Variants in SMAP2 observed in about 807,000 individuals in gnomAD.
SMAP2 encodes small ArfGAP2.
SMAP2 carries 25 observed loss-of-function variants against 56.4 expected under a neutral mutation model. The observed-to-expected ratio is 0.44, with a 90% CI of 0.32 to 0.62. The LOEUF (loss-of-function observed/expected upper bound fraction) is 0.62, where lower values mean the gene tolerates loss of function less well. Ranked by LOEUF, SMAP2 falls within the 20% of genes least tolerant of loss-of-function variation. The pLI is 0.04. For missense variants in SMAP2, 388 were observed against 545.6 expected (o/e 0.71, Z 2.88); for synonymous variants, 157 against 181.7 (o/e 0.86, Z 1.09).
intron 2 of SMAP2, 55 bp downstream of exon 2, chr1:40,406,924 C>G: frequency 6.6e-7 from 1 of 1,504,700 alleles, no homozygotes; most frequent in Non-Finnish European, 9.0e-7. Flanking sequence ...AAAAGGAATT[C>G]CAGATGAATT....
chr1:40,387,564 G>A (rs1199842419), intron 1 of SMAP2, among the ~76,000 whole-genome samples: 1 of 152,076 alleles, frequency 6.6e-6, no homozygotes, highest in African/African-American at 2.4e-5. Context: ...AAGGAATGGG[G>A]AATTCGGGAG....
upstream of SMAP2, among the ~76,000 whole-genome samples, chr1:40,370,991 G>A (rs1290745813): frequency 6.6e-6 from 1 of 152,054 alleles, no homozygotes; most frequent in Non-Finnish European, 1.5e-5. Context: ...TGGCTAACAG[G>A]GTGAAACCCT....
Position 40,406,824 on chromosome 1 carries a change from G to A in SMAP2, c.192G>A (p.Arg64=), listed in dbSNP as rs891514134. Residue 64 remains arginine (R), a synonymous_variant, in exon 2 of 10, where the codon AGG becomes AGA. Coordinates refer to ENST00000372718, the MANE Select transcript of SMAP2 (RefSeq NM_022733.3). ...IHRNLGVHIS[R]VKSVNLDQWT... ...GGAATCTGGGGGTGCACATATCCAG[G>A]GTAAAGTCAGTTAACCTCGACCAGT... 5 of 1,613,950 alleles carry A rather than the reference G, an allele frequency of 3.1e-6. No homozygotes were observed. Among genetic ancestry groups the A allele is most frequent in the Admixed American group, 3.3e-5 (2 of 60,004 alleles).
chr1:40,408,656 A>G lies in SMAP2; in HGVS notation c.241A>G (p.Met81Val), dbSNP rs1323750988. ...TCTACATTCTCTTTGGTCACAGTGCATGCAAGAGATGGGAAATGGAAAGGC... is the reference window on the plus strand; with the variant it reads ...TCTACATTCTCTTTGGTCACAGTGCGTGCAAGAGATGGGAAATGGAAAGGC... The part of the protein sequence containing the change: ...DQWTQEQIQC[M>V]QEMGNGKANR... The change falls in exon 3 of 10, where the codon ATG (methionine) becomes GTG (valine). Residue 81 changes from methionine (M) to valine (V), a missense_variant. Physicochemically the swap from Met to Val is conservative, Grantham distance 21 (BLOSUM62 1). Transcript: ENST00000372718. The surrounding 1 kb of genome is among the most constrained non-coding windows in gnomAD (Gnocchi z 4.3). 6.2e-7 allele frequency: 1 copy of G among 1,613,654 alleles called. No individual in the cohort carries two copies. The highest frequency in any genetic ancestry group is 8.5e-7 in the Non-Finnish European group (1 of 1,179,574).
At chr1:40,400,406 T>C (rs568284616) in intron 1 of SMAP2, among the ~76,000 whole-genome samples, 13 of 152,322 alleles carry the variant, frequency 8.5e-5, no homozygotes, top group Non-Finnish European at 1.3e-4. Context: ...AGAATGGTTT[T>C]GGTTTGGGCT....
At chr1:40,376,197 C>T (rs1044408651) in intron 1 of SMAP2, among the ~76,000 whole-genome samples, 4 of 152,142 alleles carry the variant, frequency 2.6e-5, no homozygotes, top group East Asian at 1.9e-4. Context: ...GTGATCCACC[C>T]GCCTCAGCCT....
intron 1 of SMAP2, among the ~76,000 whole-genome samples, chr1:40,398,333 A>G (rs1389462154): frequency 3.9e-5 from 1 of 25,610 alleles, no homozygotes; most frequent in Non-Finnish European, 6.3e-5. Context: ...GGGCTCAAGC[A>G]GTACTCCCGC....
At chr1:40,419,280 CTTTTTT>C (rs35237067) in intron 9 of SMAP2, among the ~76,000 whole-genome samples, 7 of 121,874 alleles carry the variant, frequency 5.7e-5, no homozygotes, top group African/African-American at 1.2e-4. Flanking sequence ...TTCTTCCTTT[CTTTTTT>C]TTTTTTTTTT....
intron 3 of SMAP2, 36 bp from the exon 4 acceptor site, chr1:40,409,721 G>C (rs1424869879): frequency 7.3e-7 from 1 of 1,366,176 alleles, no homozygotes; most frequent in Non-Finnish European, 1.0e-6. Context: ...CTGTTTGAGA[G>C]GCTTGTTGGA....
At chr1:40,371,838 T>C (rs1644497778), upstream of SMAP2, among the ~76,000 whole-genome samples, 1 of 152,238 alleles carries the variant, frequency 6.6e-6, no homozygotes, top group Non-Finnish European at 1.5e-5. Context: ...CTAAGCCTCA[T>C]AATAATCTTG....
intron 8 of SMAP2, 138 bp from the exon 9 acceptor site, chr1:40,416,642 A>G: frequency 1.1e-6 from 1 of 941,480 alleles, no homozygotes; most frequent in Admixed American, 2.9e-5. Context: ...AGGGACTCTA[A>G]CTACTTTGCT....
At chr1:40,382,386 A>G (rs1644607283) in intron 1 of SMAP2, among the ~76,000 whole-genome samples, 1 of 152,230 alleles carries the variant, frequency 6.6e-6, no homozygotes, top group Non-Finnish European at 1.5e-5. Flanking sequence ...AAATTGAGTC[A>G]GACTCAGTTC....
At chr1:40,392,063 C>T (rs1644722410) in intron 1 of SMAP2, among the ~76,000 whole-genome samples, 1 of 151,938 alleles carries the variant, frequency 6.6e-6, no homozygotes, top group South Asian at 2.1e-4. Flanking sequence ...TCCCTGCACA[C>T]CAACTCCACC....
chr1:40,420,580 G>A (rs1028618785), intron 9 of SMAP2, among the ~76,000 whole-genome samples: 41 of 152,184 alleles, frequency 2.7e-4, no homozygotes, highest in African/African-American at 9.2e-4. Context: ...ATGCCCTTCA[G>A]ATTATTTATT....
intron 7 of SMAP2, among the ~76,000 whole-genome samples, chr1:40,415,781 CA>C (rs1471602306): frequency 2.6e-5 from 4 of 152,284 alleles, no homozygotes; most frequent in Admixed American, 1.3e-4. Context: ...TTGTATATTT[CA>C]TTAATAATTT....
chr1:40,413,150 A>G, intron 5 of SMAP2, 48 bp downstream of exon 5: 3 of 1,443,734 alleles, frequency 2.1e-6, no homozygotes, highest in Non-Finnish European at 1.9e-6. Context: ...AGGTATGTGT[A>G]TATTTGTGAA....
chr1:40,410,972 G>A (rs1248484285), intron 4 of SMAP2, among the ~76,000 whole-genome samples: 2 of 152,154 alleles, frequency 1.3e-5, no homozygotes, highest in Non-Finnish European at 1.5e-5. Flanking sequence ...TTCTAGTTAT[G>A]TAATAATGAT....
At chr1:40,355,289 A>G (rs1644430460) in intron 1 of SMAP2, among the ~76,000 whole-genome samples, 1 of 152,168 alleles carries the variant, frequency 6.6e-6, no homozygotes, top group Admixed American at 6.5e-5. Context: ...TTCAAGGATA[A>G]TGATGAGTAT....
chr1:40,345,966 CTTTTTTTTTTTTT>C (rs71060369), intron 1 of SMAP2, among the ~76,000 whole-genome samples: 4 of 35,342 alleles, frequency 1.1e-4, no homozygotes, highest in African/African-American at 2.2e-4. Flanking sequence ...ATTTCTATCA[CTTTTTTTTTTTTT>C]TTTTTTTTTT....
Sources: gnomAD v4.1 joint callset for allele counts (sites outside exome capture counted in the v4.1 genomes callset) on GRCh38, gnomAD v4.1.1 for gene constraint, Gnocchi (gnomAD v3.1) non-coding constraint, MANE v1.5 for transcripts, NCBI Gene and HGNC (gene_info 2026-07-23, HGNC 2026-07-21) for gene names.